The following BIRC6 variants were observed in gnomAD, a reference collection of about 807,000 sequenced individuals.
BIRC6 encodes dual E2 ubiquitin-conjugating enzyme/E3 ubiquitin-protein ligase BIRC6.
BIRC6 carries 98 observed loss-of-function variants against 503.3 expected under a neutral mutation model. That is an observed-to-expected ratio of 0.19 (90% confidence interval 0.17 to 0.23). The LOEUF is 0.23. Among genes scored for constraint, BIRC6 ranks in the 10% least tolerant of loss-of-function variants. The pLI is 1.00. For missense variants in BIRC6, 5,360 were observed against 5,806.0 expected (o/e 0.92, Z 2.50); for synonymous variants, 2,240 against 2,078.7 (o/e 1.08, Z -2.11).
intron 36 of BIRC6, among the ~76,000 whole-genome samples, chr2:32,479,034 A>C (rs1272657845): frequency 6.6e-6 from 1 of 152,212 alleles, no homozygotes; most frequent in South Asian, 2.1e-4. Flanking sequence ...AAGGCTTTAG[A>C]AAGGCTTTGG....
chr2:32,447,613 C>T (rs1463662709), intron 21 of BIRC6, among the ~76,000 whole-genome samples: 1 of 119,932 alleles, frequency 8.3e-6, no homozygotes, highest in Non-Finnish European at 1.8e-5. Context: ...GGCTGATCCC[C>T]CCACCTCCCT....
At chr2:32,491,310 CTG>C (rs939154273) in intron 43 of BIRC6, 113 bp from the exon 44 acceptor site, 4 of 1,051,942 alleles carry the variant, frequency 3.8e-6, no homozygotes, top group South Asian at 1.9e-5. Context: ...CTTTAATAAA[CTG>C]TAATTACTAG....
chr2:32,554,173 A>G (rs1397389363), intron 65 of BIRC6, among the ~76,000 whole-genome samples: 1 of 152,216 alleles, frequency 6.6e-6, no homozygotes, highest in South Asian at 2.1e-4. Context: ...AGAAGAGAGC[A>G]TATTAAGTCT....
intron 66 of BIRC6, among the ~76,000 whole-genome samples, chr2:32,584,042 A>G (rs72787506): frequency 4.6e-5 from 7 of 152,112 alleles, no homozygotes; most frequent in Non-Finnish European, 8.8e-5. Flanking sequence ...TGTAAATTTC[A>G]CTTAGACCAT....
chr2:32,598,104 C>T (rs888239991), intron 69 of BIRC6, 136 bp downstream of exon 69: 9 of 849,808 alleles, frequency 1.1e-5, no homozygotes, highest in Middle Eastern at 3.7e-4. Flanking sequence ...CATTTTTAGA[C>T]GGCAGTGAAA....
chr2:32,572,733 TGGAAACAAGG>T (rs1325703347), intron 65 of BIRC6, among the ~76,000 whole-genome samples: 2 of 152,154 alleles, frequency 1.3e-5, no homozygotes, highest in Admixed American at 1.3e-4. Flanking sequence ...CAAGTATATG[TGGAAACAAGG>T]GGAAACAAGG....
At chr2:32,487,882 C>A in intron 41 of BIRC6, 81 bp downstream of exon 41, 1 of 1,189,630 alleles carries the variant, frequency 8.4e-7, no homozygotes, top group Non-Finnish European at 1.2e-6. Context: ...GAAGTTCATT[C>A]TAATCCTGTC....
At chr2:32,502,963 G>T in intron 48 of BIRC6, 72 bp downstream of exon 48, 1 of 1,515,038 alleles carries the variant, frequency 6.6e-7, no homozygotes, top group East Asian at 2.3e-5. Context: ...CATTTTTGTA[G>T]TCTTTTGTGG....
intron 65 of BIRC6, among the ~76,000 whole-genome samples, chr2:32,561,642 G>A (rs1052550989): frequency 4.0e-5 from 6 of 149,196 alleles, no homozygotes; most frequent in Admixed American, 6.7e-5. Context: ...TATATTCAAG[G>A]TTTTTTTTGA....
At chr2:32,367,189 A>G (rs1012868402) in intron 1 of BIRC6, among the ~76,000 whole-genome samples, 2 of 151,588 alleles carry the variant, frequency 1.3e-5, no homozygotes, top group African/African-American at 2.4e-5. Context: ...TGGCCTGGGC[A>G]TGGTGGCTCA....
chr2:32,522,907 C>T (rs1572795234), intron 57 of BIRC6: 1 of 152,114 alleles, frequency 6.6e-6, no homozygotes, highest in Admixed American at 6.6e-5. Context: ...TATTTTCTTC[C>T]TGGATTTCCG....
intron 61 of BIRC6, among the ~76,000 whole-genome samples, chr2:32,539,605 A>C (rs1375104696): frequency 6.6e-6 from 1 of 152,186 alleles, no homozygotes; most frequent in Non-Finnish European, 1.5e-5. Flanking sequence ...ATCACAATAG[A>C]TACTACAAGA....
intron 61 of BIRC6, among the ~76,000 whole-genome samples, chr2:32,534,730 CAAAAAAAAAAAAAAAAA>C (rs770672789): frequency 2.2e-4 from 5 of 22,310 alleles, no homozygotes; most frequent in African/African-American, 2.8e-4. Context: ...GACTCTGTCT[CAAAAAAAAAAAAAAAAA>C]AAAAAAAAAA....
intron 21 of BIRC6, among the ~76,000 whole-genome samples, chr2:32,448,349 A>T (rs1479599415): frequency 1.4e-5 from 2 of 140,946 alleles, no homozygotes; most frequent in African/African-American, 2.7e-5. Flanking sequence ...ACTGCACTCC[A>T]GCCTTGGCAC....
intron 50 of BIRC6, among the ~76,000 whole-genome samples, chr2:32,506,446 G>A (rs1033752240): frequency 5.3e-5 from 8 of 152,198 alleles, no homozygotes; most frequent in African/African-American, 1.2e-4. Context: ...GCTAGTACAC[G>A]GTGTTTTAGG....
intron 23 of BIRC6, among the ~76,000 whole-genome samples, chr2:32,454,560 C>T (rs906288331): frequency 5.3e-5 from 8 of 151,614 alleles, no homozygotes; most frequent in Non-Finnish European, 1.2e-4. Flanking sequence ...AGAAGTCTTT[C>T]AGTTAAGATT....
At chr2:32,361,277 A>C (rs1386525456) in intron 1 of BIRC6, among the ~76,000 whole-genome samples, 1 of 152,136 alleles carries the variant, frequency 6.6e-6, no homozygotes, top group Admixed American at 6.6e-5. Flanking sequence ...GATTGGATGC[A>C]TATATAACAA....
chr2:32,472,884 GA>G, intron 32 of BIRC6: 1 of 355,550 alleles, frequency 2.8e-6, no homozygotes. Flanking sequence ...ATTGGAGACA[GA>G]GGGAACTCTG....
intron 71 of BIRC6, among the ~76,000 whole-genome samples, chr2:32,607,010 T>TAAA (rs776677243): frequency 7.6e-6 from 1 of 132,432 alleles, no homozygotes. Context: ...TCAGTCTTAT[T>TAAA]AAAAAAAAAA....
Sources: gnomAD v4.1 joint callset for allele counts (sites outside exome capture counted in the v4.1 genomes callset) on GRCh38, gnomAD v4.1.1 for gene constraint, MANE v1.5 for transcripts, NCBI Gene and HGNC (gene_info 2026-07-23, HGNC 2026-07-21) for gene names.